The following EFCAB8 variants were observed in gnomAD, a reference collection of about 807,000 sequenced individuals.
EFCAB8 encodes the protein EF-hand calcium binding domain 8.
A neutral mutation model predicts 116.3 loss-of-function variants in EFCAB8; 100 were observed. The ratio of observed to expected loss-of-function variants is 0.86; its 90% CI spans 0.73 to 1.02. The LOEUF (loss-of-function observed/expected upper bound fraction) is 1.02, where lower values mean the gene tolerates loss of function less well. EFCAB8 is among the 50% of genes least tolerant of loss of function. The pLI, the probability that EFCAB8 is intolerant of heterozygous loss-of-function variation, is 0.00. For synonymous variants in EFCAB8, 558 were observed against 567.9 expected (o/e 0.98, Z 0.25); for missense variants, 1,320 against 1,416.9 (o/e 0.93, Z 1.10).
rs1491369466 is a variant in EFCAB8, at chr20:32,939,132, T to TTTCTTTCC, written c.2791-4497_2791-4496insCTTCTTTC. Among the ~76,000 whole-genome samples, 4 of 20,692 alleles carry TTTCTTTCC rather than the reference T, an allele frequency of 1.9e-4. 1 individual carries two copies. The highest frequency in any genetic ancestry group is 3.3e-4 in the African/African-American group (1 of 3,014). 13.6% of individuals were successfully genotyped at this position (20,692 alleles called of 152,430 possible). A position where few individuals can be genotyped will look rare whatever the true frequency, so the allele number is the denominator to read the frequency against. On this transcript the variant is annotated intron_variant, in intron 22 of 26. Transcript: ENST00000400522. ...TTCTTTCTCTCTTTCTTTCTCTTTC[T>TTTCTTTCC]TTCTTTCTTTCTTTCTTTCTTTCTT...
At chr20:32,938,035 AT>A (rs1382269718) in intron 22 of EFCAB8, among the ~76,000 whole-genome samples, 1 of 150,158 alleles carries the variant, frequency 6.7e-6, no homozygotes, top group Non-Finnish European at 1.5e-5. Context: ...TAGACCAAAT[AT>A]TTTTATGAAT....
Position 32,919,640 on chromosome 20 carries a change from G to A in EFCAB8, c.2275-438G>A, listed in dbSNP as rs150152457. Among the ~76,000 whole-genome samples, 791 of 152,202 alleles carry A rather than the reference G, an allele frequency of 5.2e-3. 6 individuals carry two copies. Among genetic ancestry groups the A allele is most frequent in the African/African-American group, 0.016 (667 of 41,508 alleles). On this transcript the variant is annotated intron_variant, in intron 19 of 26. Coordinates refer to ENST00000400522, the MANE Select transcript of EFCAB8 (RefSeq NM_001143967.2). ...GCTTCCCTAGTAGCTGGGATTACAG[G>A]TGTGCACAACTATGCCTGGCTAAAT...
At chr20:32,895,818 G>A (rs190585711) in intron 9 of EFCAB8, among the ~76,000 whole-genome samples, 3 of 151,876 alleles carry the variant, frequency 2.0e-5, no homozygotes, top group East Asian at 1.9e-4. Context: ...TCATCTGCCC[G>A]TCTCGCCCTC....
At chr20:32,898,293 G>C (rs1288865304) in intron 10 of EFCAB8, 200 bp from the exon 11 acceptor site, 5 of 499,358 alleles carry the variant, frequency 1.0e-5, no homozygotes, top group Non-Finnish European at 1.4e-5. Flanking sequence ...AAAATTTTCA[G>C]TGACGAGAGA....
At chr20:32,859,986 C>T (rs953173363) in intron 1 of EFCAB8, among the ~76,000 whole-genome samples, 1 of 152,116 alleles carries the variant, frequency 6.6e-6, no homozygotes, top group African/African-American at 2.4e-5. Flanking sequence ...TCTAACAGTT[C>T]CTTAGCCTTT....
In EFCAB8 at chr20:32,909,883, T is replaced by G; in HGVS notation, c.1509T>G (p.Thr503=). The G allele has an allele frequency of 8.0e-7, 1 of 1,249,844 alleles. No homozygotes were observed. 77.4% of individuals were successfully genotyped at this position (1,249,844 alleles called of 1,614,324 possible). A position where few individuals can be genotyped will look rare whatever the true frequency, so the allele number is the denominator to read the frequency against. ...TTATCAAAGCAAGGAAGAGGACCAC[T>G]CATTGCTCACCCCTGTGTGCTGTCC... is the stretch of plus-strand genomic sequence containing the variant. The part of the protein sequence containing the change: ...QGLIKARKRT[T]HCSPLCAVLY... Residue 503 remains threonine (T), a synonymous_variant, in exon 15 of 27, where the codon ACT becomes ACG. Coordinates refer to ENST00000400522, the MANE Select transcript of EFCAB8 (RefSeq NM_001143967.2).
chr20:32,927,877 T>C (rs1987735110), intron 20 of EFCAB8, among the ~76,000 whole-genome samples: 1 of 152,202 alleles, frequency 6.6e-6, no homozygotes, highest in Admixed American at 6.5e-5. Context: ...ATTGAAACCA[T>C]TTTTAAGTGT....
At chr20:32,951,476 C>T (rs1988799182) in intron 23 of EFCAB8, among the ~76,000 whole-genome samples, 1 of 152,154 alleles carries the variant, frequency 6.6e-6, no homozygotes, top group African/African-American at 2.4e-5. Context: ...ACACCTGCAT[C>T]TATTTATATA....
intron 1 of EFCAB8, among the ~76,000 whole-genome samples, chr20:32,859,932 G>C (rs879713531): frequency 1.3e-5 from 2 of 152,142 alleles, no homozygotes; most frequent in African/African-American, 2.4e-5. Flanking sequence ...ATTCAGAATC[G>C]TGCATTGCCT....
Position 32,943,704 on chromosome 20 carries a change from T to C in EFCAB8, c.2859T>C (p.Asn953=). ...TGATGACCTGGAAAGGCCATTTGAA[T>C]AGTGTGGCAGACATCCTGTATGTGG... The part of the protein sequence containing the change: ...TLLMTWKGHL[N]SVADILYVDN... Residue 953 remains asparagine (N), a synonymous_variant, in exon 23 of 27, where the codon AAT becomes AAC. Transcript: ENST00000400522. The C allele has an allele frequency of 2.4e-6, 1 of 417,134 alleles. No homozygotes were observed. Among genetic ancestry groups the C allele is most frequent in the Non-Finnish European group, 4.4e-6 (1 of 226,612 alleles). The allele number at this position is 417,134 out of a possible 1,614,324, so 25.8% of individuals were successfully genotyped here. A position where few individuals can be genotyped will look rare whatever the true frequency, so the allele number is the denominator to read the frequency against.
chr20:32,934,322 A>G (rs907817666), intron 22 of EFCAB8, among the ~76,000 whole-genome samples: 2 of 152,066 alleles, frequency 1.3e-5, no homozygotes, highest in Admixed American at 6.6e-5. Flanking sequence ...CATTATGTAT[A>G]TACACCACAT....
At chr20:32,884,103 A>G (rs550122387) in intron 5 of EFCAB8, among the ~76,000 whole-genome samples, 1 of 152,362 alleles carries the variant, frequency 6.6e-6, no homozygotes, top group South Asian at 2.1e-4. Flanking sequence ...CAGAATGTCA[A>G]GAGGCTTGTT....
At chr20:32,923,517 A>G (rs1244706627) in intron 20 of EFCAB8, among the ~76,000 whole-genome samples, 1 of 152,190 alleles carries the variant, frequency 6.6e-6, no homozygotes, top group Admixed American at 6.5e-5. Context: ...CCTATGAAAA[A>G]AAATGAAACT....
rs945157371 is a variant in EFCAB8 at position 32,896,530 on chromosome 20, G to A, written c.957+3G>A. The A allele has an allele frequency of 1.1e-5, 8 of 718,666 alleles. No individual in the cohort carries two copies. The highest frequency in any genetic ancestry group is 8.7e-5 in the African/African-American group (5 of 57,246). 44.5% of individuals were successfully genotyped at this position (718,666 alleles called of 1,614,324 possible). On this transcript the variant is annotated splice_donor_region_variant and intron_variant, in intron 10 of 26. Transcript: ENST00000400522. The stretch of plus-strand genomic sequence containing the variant: ...TGCATAGAAGCTACCGGCTGAAGGT[G>A]AGTTTTTTCTTTCCTTGGCCTGTTA...
At chr20:32,875,502 G>GTTTTTTTTTTTTCTTTTTTT (rs1984917651) in intron 3 of EFCAB8, among the ~76,000 whole-genome samples, 1 of 89,890 alleles carries the variant, frequency 1.1e-5, no homozygotes, top group Admixed American at 1.2e-4. Context: ...AAACATGGTG[G>GTTTTTTTTTTTTCTTTTTTT]TTTTTTTTTT....
At chr20:32,888,268 C>T (rs1004799871) in intron 6 of EFCAB8, among the ~76,000 whole-genome samples, 5 of 152,062 alleles carry the variant, frequency 3.3e-5, no homozygotes, top group South Asian at 2.1e-4. Flanking sequence ...CTCTGTCACC[C>T]GGGCTGGAGT....
intron 3 of EFCAB8, among the ~76,000 whole-genome samples, chr20:32,874,399 T>C (rs899089888): frequency 6.6e-6 from 1 of 151,630 alleles, no homozygotes; most frequent in Non-Finnish European, 1.5e-5. Flanking sequence ...ATTTAAAAAA[T>C]TTTTTTTGTA....
chr20:32,950,743 G>T (rs1988772188), intron 23 of EFCAB8, among the ~76,000 whole-genome samples: 1 of 152,170 alleles, frequency 6.6e-6, no homozygotes, highest in Admixed American at 6.5e-5. Flanking sequence ...TTTTACTGGA[G>T]CCCATTGTAT....
chr20:32,889,880 T>C (rs538069112), intron 7 of EFCAB8, among the ~76,000 whole-genome samples: 1 of 151,868 alleles, frequency 6.6e-6, no homozygotes, highest in Admixed American at 6.6e-5. Context: ...CACACGCCTG[T>C]AATCCCAGCT....
Sources: gnomAD v4.1 joint callset for allele counts (sites outside exome capture counted in the v4.1 genomes callset) on GRCh38, gnomAD v4.1.1 for gene constraint, MANE v1.5 for transcripts, NCBI Gene and HGNC (gene_info 2026-07-23, HGNC 2026-07-21) for gene names.